The following JAZF1 variants were observed in gnomAD, a reference collection of about 807,000 sequenced individuals.
JAZF1 encodes juxtaposed with another zinc finger protein 1.
In JAZF1, 8 loss-of-function variants were observed where a neutral mutation model predicts 26.4. The observed-to-expected ratio is 0.30, with a 90% confidence interval of 0.18 to 0.55. The LOEUF (loss-of-function observed/expected upper bound fraction) is 0.55. Ranked by LOEUF, JAZF1 falls within the 20% of genes least tolerant of loss-of-function variation. The pLI, the probability that JAZF1 is intolerant of heterozygous loss-of-function variation, is 0.94. For synonymous variants in JAZF1, 126 were observed against 122.3 expected, an observed-to-expected ratio of 1.03 and a Z score of -0.20; for missense variants, 199 against 322.0, an observed-to-expected ratio of 0.62 and a Z score of 2.92.
chr7:27,874,232 T>G (rs968059227), intron 3 of JAZF1, among the ~76,000 whole-genome samples: 1 of 152,250 alleles, frequency 6.6e-6, no homozygotes, highest in Non-Finnish European at 1.5e-5. Flanking sequence ...AGAACCCATG[T>G]GGCTGAAGGA....
At chr7:27,948,725 AG>A (rs1784958467) in intron 2 of JAZF1, among the ~76,000 whole-genome samples, 1 of 152,186 alleles carries the variant, frequency 6.6e-6, no homozygotes, top group African/African-American at 2.4e-5. Context: ...ATAACCTACA[AG>A]GGTTTGCAGA....
intron 2 of JAZF1, among the ~76,000 whole-genome samples, chr7:27,979,478 T>A (rs148851874): frequency 7.0e-6 from 1 of 142,124 alleles, no homozygotes; most frequent in East Asian, 2.2e-4. Flanking sequence ...AGCCTTGAAC[T>A]CCTGGGCTCA....
intron 2 of JAZF1, among the ~76,000 whole-genome samples, chr7:27,924,276 C>T (rs1305044416): frequency 6.6e-6 from 1 of 152,168 alleles, no homozygotes; most frequent in African/African-American, 2.4e-5. Flanking sequence ...TGGTGTTTCA[C>T]CATCTTGGCC....
intron 1 of JAZF1, among the ~76,000 whole-genome samples, chr7:28,173,722 G>T (rs568403120): frequency 6.6e-6 from 1 of 151,830 alleles, no homozygotes; most frequent in Admixed American, 6.6e-5. Flanking sequence ...GACAATGGCC[G>T]TCAGGGGACT....
At chr7:27,935,280 T>C (rs1410554461) in intron 2 of JAZF1, among the ~76,000 whole-genome samples, 2 of 152,148 alleles carry the variant, frequency 1.3e-5, no homozygotes, top group Non-Finnish European at 2.9e-5. Context: ...CTTTGGAAAA[T>C]AGTTGGCGGA....
At chr7:27,850,070 A>G (rs1483404570) in intron 3 of JAZF1, among the ~76,000 whole-genome samples, 1 of 152,242 alleles carries the variant, frequency 6.6e-6, no homozygotes, top group Non-Finnish European at 1.5e-5. Flanking sequence ...CATTTTTCTT[A>G]TAATGTATAT....
intron 3 of JAZF1, among the ~76,000 whole-genome samples, chr7:27,874,630 G>C (rs1216591347): frequency 3.3e-5 from 5 of 152,168 alleles, no homozygotes; most frequent in Non-Finnish European, 7.3e-5. Flanking sequence ...TTCTTTCAAA[G>C]TTCCTCCCAT....
intron 2 of JAZF1, among the ~76,000 whole-genome samples, chr7:27,963,569 C>CCCA (rs1554278421): frequency 7.5e-6 from 1 of 132,512 alleles, no homozygotes; most frequent in Non-Finnish European, 1.6e-5. Context: ...CCCCCCCCCC[C>CCCA]TTTTTTTTTG....
At chr7:28,179,641 G>A (rs914542443) in intron 1 of JAZF1, among the ~76,000 whole-genome samples, 1 of 150,072 alleles carries the variant, frequency 6.7e-6, no homozygotes, top group East Asian at 2.0e-4. Flanking sequence ...CGGCCCGCGG[G>A]CGCACCCAAG....
intron 1 of JAZF1, among the ~76,000 whole-genome samples, chr7:28,176,132 C>T (rs1358936614): frequency 6.6e-6 from 1 of 152,174 alleles, no homozygotes. Flanking sequence ...CAACAAGAAA[C>T]CTGTTGATAT....
rs556574855 is a variant in JAZF1 at position 27,856,459 on chromosome 7, G to T, written c.386-15592C>A. Among the ~76,000 whole-genome samples the T allele has an allele frequency of 7.9e-5, 12 of 152,270 alleles. 1 individual carries two copies. The highest frequency in any genetic ancestry group is 5.9e-4 in the Admixed American group (9 of 15,302). ...ACACTGTGGAAAGGGACCTGAGCGG[G>T]TTGCCACTGCTGATTCAGGCAGCCT... On this transcript the variant is annotated intron_variant, in intron 3 of 4. Coordinates refer to ENST00000283928, the MANE Select transcript of JAZF1 (RefSeq NM_175061.4).
At chr7:27,935,758 T>C (rs1388506180) in intron 2 of JAZF1, among the ~76,000 whole-genome samples, 2 of 152,188 alleles carry the variant, frequency 1.3e-5, no homozygotes, top group Admixed American at 6.5e-5. Context: ...CCCAGCAAAA[T>C]AGAAGGTATT....
At chr7:28,119,718 C>T (rs1354767403) in intron 1 of JAZF1, among the ~76,000 whole-genome samples, 1 of 152,180 alleles carries the variant, frequency 6.6e-6, no homozygotes, top group African/African-American at 2.4e-5. Flanking sequence ...CCAAATTATG[C>T]CATTAATCAT....
rs1194847907 is a variant in JAZF1 at position 27,840,075 on chromosome 7, C to G, written c.555+623G>C. ...TTATTAGAAAAGTTAGCACCCCCAG[C>G]TGCCCATGACACCCAGGCCCTCAGA... On this transcript the variant is annotated intron_variant, in intron 4 of 4. Coordinates refer to ENST00000283928, the MANE Select transcript of JAZF1 (RefSeq NM_175061.4). The surrounding 1 kb of genome is among the most constrained non-coding windows in gnomAD (Gnocchi z 5.1). 1.3e-5 allele frequency among the ~76,000 whole-genome samples: 2 copies of G among 152,188 alleles called. No individual in the cohort carries two copies. The highest frequency in any genetic ancestry group is 4.8e-5 in the African/African-American group (2 of 41,450).
rs77829100 is a variant in JAZF1, at chr7:28,102,184, C to T, written c.115+78279G>A. On this transcript the variant is annotated intron_variant, in intron 1 of 4. Transcript: ENST00000283928. ...TTAGCCTGGGCTCAAATCTGAAACA[C>T]AGAAAGAGATAAGAGATGGACCAAA... 0.016 allele frequency among the ~76,000 whole-genome samples: 2,460 copies of T among 152,276 alleles called. 163 individuals are homozygous for T. In the East Asian group the frequency reaches 0.24, roughly 15 times the overall value.
intron 2 of JAZF1, among the ~76,000 whole-genome samples, chr7:27,944,988 G>T (rs1784904172): frequency 6.6e-6 from 1 of 152,014 alleles, no homozygotes; most frequent in African/African-American, 2.4e-5. Flanking sequence ...CGGAGTTCGA[G>T]AAATAATCCT....
intron 1 of JAZF1, among the ~76,000 whole-genome samples, chr7:28,155,157 G>A (rs1020150890): frequency 1.9e-4 from 29 of 152,110 alleles, no homozygotes; most frequent in Non-Finnish European, 8.8e-5. Context: ...AAAACACACT[G>A]TATATTTTCT....
chr7:27,993,594 C>A (rs959430894), intron 1 of JAZF1, among the ~76,000 whole-genome samples: 1 of 152,148 alleles, frequency 6.6e-6, no homozygotes, highest in Non-Finnish European at 1.5e-5. Context: ...CATTGGTATG[C>A]TGGGTGGGCC....
At chr7:27,904,108 T>A (rs1386078687) in intron 2 of JAZF1, among the ~76,000 whole-genome samples, 2 of 152,148 alleles carry the variant, frequency 1.3e-5, no homozygotes, top group African/African-American at 4.8e-5. Flanking sequence ...GCTGTTACTA[T>A]GCAATCCAGG....
Sources: gnomAD v4.1 joint callset for allele counts (sites outside exome capture counted in the v4.1 genomes callset) on GRCh38, gnomAD v4.1.1 for gene constraint, Gnocchi (gnomAD v3.1) non-coding constraint, MANE v1.5 for transcripts, NCBI Gene and HGNC (gene_info 2026-07-23, HGNC 2026-07-21) for gene names.